The following CCDC171 variants were observed in gnomAD, a reference collection of about 807,000 sequenced individuals.
CCDC171 encodes the protein coiled-coil domain containing 171.
CCDC171 carries 177 observed loss-of-function variants against 168.2 expected under a neutral mutation model. The observed-to-expected ratio is 1.05, with a 90% CI of 0.93 to 1.19. The LOEUF is 1.19. CCDC171 is among the 50% of genes most tolerant of loss of function. The pLI, the probability that CCDC171 is intolerant of heterozygous loss-of-function variation, is 0.00. For synonymous variants in CCDC171, 687 were observed against 540.8 expected (o/e 1.27, Z -3.75); for missense variants, 1,991 against 1,539.0 (o/e 1.29, Z -4.91).
intron 23 of CCDC171, among the ~76,000 whole-genome samples, chr9:15,865,620 G>A (rs557362341): frequency 9.2e-5 from 14 of 151,938 alleles, no homozygotes; most frequent in Admixed American, 2.6e-4. Flanking sequence ...TCTTCCTTAC[G>A]ATTTTCTTAA....
intron 21 of CCDC171, among the ~76,000 whole-genome samples, chr9:15,830,879 T>C (rs1033187512): frequency 6.0e-4 from 92 of 152,138 alleles, no homozygotes; most frequent in African/African-American, 2.1e-3. Flanking sequence ...GCCTGTAAAG[T>C]TGAATAATTC....
At position 15,623,475 on chromosome 9, in the gene CCDC171, G is replaced by GCGCGCGCGCTCACACA; in HGVS notation, c.822+63_822+64insGCGCGCGCTCACACAC. The GCGCGCGCGCTCACACA allele has an allele frequency of 1.2e-4, 37 of 315,438 alleles. 1 individual carries two copies. In the South Asian group the frequency reaches 2.1e-3, roughly 18 times the overall value. 19.5% of individuals were successfully genotyped at this position (315,438 alleles called of 1,614,324 possible). On this transcript the variant is annotated intron_variant, in intron 7 of 25. Transcript: ENST00000380701. ...CAAACTTTCACATATGCGCGCGCGC[G>GCGCGCGCGCTCACACA]CACACACACACACACACACACACAC... is the stretch of plus-strand genomic sequence containing the variant.
At chr9:15,876,021 A>G (rs923147756) in intron 24 of CCDC171, 3 of 152,072 alleles carry the variant, frequency 2.0e-5, no homozygotes, top group Admixed American at 6.6e-5. Context: ...TGGCTATTTC[A>G]ATTCAGAATC....
At position 15,914,495 on chromosome 9, in the gene CCDC171, C is replaced by T. The variant is rs1824195288; in HGVS notation, c.3601-5775C>T. Reference sequence around the variant, plus strand: ...CCTCAGTAATGGTGGACATGTCTCCCCACACCAAGCTTGAGCATCCCAGGT... The same window carrying T: ...CCTCAGTAATGGTGGACATGTCTCCTCACACCAAGCTTGAGCATCCCAGGT... On this transcript the variant is annotated intron_variant, in intron 24 of 25. Coordinates refer to ENST00000380701, the MANE Select transcript of CCDC171 (RefSeq NM_173550.4). 3.9e-5 allele frequency among the ~76,000 whole-genome samples: 6 copies of T among 152,196 alleles called. No homozygotes were observed. The South Asian group carries it at 1.2e-3, about 32-fold the overall frequency.
rs748346441 is a variant in CCDC171, at chr9:15,594,134, T to C, written c.637T>C (p.Trp213Arg). 6.7e-7 allele frequency: 1 copy of C among 1,481,590 alleles called. No homozygotes were observed. The highest frequency in any genetic ancestry group is 9.4e-7 in the Non-Finnish European group (1 of 1,064,560). 91.8% of individuals were successfully genotyped at this position (1,481,590 alleles called of 1,614,324 possible). A position where few individuals can be genotyped will look rare whatever the true frequency, so the allele number is the denominator to read the frequency against. Residue 213 changes from tryptophan (W) to arginine (R), a missense_variant, in exon 6 of 26, where the codon TGG (tryptophan) becomes CGG (arginine). Physicochemically the swap from Trp to Arg is moderately radical, Grantham distance 101. Transcript: ENST00000380701. ...LEEFRLQEEQ[W>R]EAERRELQFI... is the part of the protein sequence containing the mutation. ...GGAGTTTAGATTACAAGAAGAACAA[T>C]GGGAAGCAGAAAGAAGAGAATTACA...
chr9:15,789,338 G>C (rs1486292689), intron 21 of CCDC171, among the ~76,000 whole-genome samples: 1 of 152,132 alleles, frequency 6.6e-6, no homozygotes, highest in African/African-American at 2.4e-5. Flanking sequence ...TTACATAAGG[G>C]ATGCTCAACC....
At chr9:15,592,734 A>C (rs964248939) in intron 5 of CCDC171, among the ~76,000 whole-genome samples, 2 of 152,024 alleles carry the variant, frequency 1.3e-5, no homozygotes, top group Admixed American at 6.6e-5. Flanking sequence ...AGTTATGTGG[A>C]GAGGAGGGTG....
chr9:15,705,511 A>G (rs1300795955), intron 11 of CCDC171, among the ~76,000 whole-genome samples: 2 of 152,106 alleles, frequency 1.3e-5, no homozygotes, highest in Non-Finnish European at 2.9e-5. Context: ...ATGCCTTTGT[A>G]CTGACCATTC....
intron 1 of CCDC171, among the ~76,000 whole-genome samples, chr9:16,059,854 G>C (rs1392588976): frequency 2.0e-5 from 3 of 151,680 alleles, no homozygotes; most frequent in African/African-American, 7.3e-5. Context: ...TAAAAAACTT[G>C]CAAGTGAGTG....
At chr9:16,053,325 C>T (rs1218975465) in intron 1 of CCDC171, among the ~76,000 whole-genome samples, 2 of 152,254 alleles carry the variant, frequency 1.3e-5, no homozygotes, top group East Asian at 3.8e-4. Flanking sequence ...CAACTTGCAA[C>T]ATTTTCCACC....
chr9:16,016,632 C>G (rs570605853), intron 3 of CCDC171, among the ~76,000 whole-genome samples: 2 of 152,168 alleles, frequency 1.3e-5, no homozygotes, highest in Non-Finnish European at 2.9e-5. Context: ...GCTCACTCTC[C>G]TTCATTACAT....
At position 15,657,096 on chromosome 9, in the gene CCDC171, T is replaced by C. The variant is rs768890619; in HGVS notation, c.823-31T>C. 16 of 1,293,838 alleles carry C rather than the reference T, an allele frequency of 1.2e-5. 1 individual carries two copies. In the Middle Eastern group the frequency reaches 3.0e-3, roughly 239 times the overall value. 80.1% of individuals were successfully genotyped at this position (1,293,838 alleles called of 1,614,324 possible). On this transcript the variant is annotated intron_variant, in intron 7 of 25. Transcript: ENST00000380701. Reference sequence around the variant, plus strand: ...CCATATCTTCTTTAAATACCAATGTTTATGAATTTAAACTTTTAATTTGTT... The same window carrying C: ...CCATATCTTCTTTAAATACCAATGTCTATGAATTTAAACTTTTAATTTGTT...
At chr9:16,101,071 C>T in the CCDC171 span, among the ~76,000 whole-genome samples, 7 of 152,288 alleles carry the variant, frequency 4.6e-5, no homozygotes, top group South Asian at 2.1e-4. Context: ...CAGAGAAAGC[C>T]GGGCTGCAGA....
chr9:15,833,050 C>T (rs1335921528), intron 21 of CCDC171, among the ~76,000 whole-genome samples: 3 of 134,186 alleles, frequency 2.2e-5, no homozygotes, highest in Admixed American at 8.8e-5. Flanking sequence ...TGCAGTGGCG[C>T]GATTTCGGCT....
intron 10 of CCDC171, among the ~76,000 whole-genome samples, chr9:15,689,031 T>C (rs945925934): frequency 6.6e-6 from 1 of 152,172 alleles, no homozygotes; most frequent in Non-Finnish European, 1.5e-5. Flanking sequence ...TACAATACAA[T>C]ATCCATTTAG....
chr9:15,609,730 C>A (rs888447229), intron 6 of CCDC171, among the ~76,000 whole-genome samples: 3 of 152,014 alleles, frequency 2.0e-5, no homozygotes, highest in Admixed American at 6.6e-5. Flanking sequence ...TTCATTATAC[C>A]TTTAGAATAA....
intron 1 of CCDC171, among the ~76,000 whole-genome samples, chr9:16,055,480 G>A (rs1833824879): frequency 6.6e-6 from 1 of 152,184 alleles, no homozygotes; most frequent in Non-Finnish European, 1.5e-5. Flanking sequence ...GAGGGCTCTG[G>A]AAGCTTTCTG....
Position 15,925,321 on chromosome 9 carries a change from G to T in CCDC171, c.3753+4899G>T, listed in dbSNP as rs78596659. 3.4e-3 allele frequency among the ~76,000 whole-genome samples: 515 copies of T among 151,618 alleles called. 17 individuals carry two copies. The East Asian group carries it at 0.066, about 19-fold the overall frequency. On this transcript the variant is annotated intron_variant, in intron 25 of 25. Transcript: ENST00000380701. ...ATAGGAATTATCCAATGATGCAAAA[G>T]AACAGTGATCTAGATCAGGAAAAGG... is the stretch of plus-strand genomic sequence containing the variant.
At chr9:15,777,568 A>G (rs2057395215) in intron 18 of CCDC171, 32 bp from the exon 19 acceptor site, 5 of 1,384,212 alleles carry the variant, frequency 3.6e-6, no homozygotes, top group Non-Finnish European at 5.1e-6. Context: ...GACAATTCAC[A>G]TTTTTGTGCC....
Sources: gnomAD v4.1 joint callset for allele counts (sites outside exome capture counted in the v4.1 genomes callset) on GRCh38, gnomAD v4.1.1 for gene constraint, MANE v1.5 for transcripts, NCBI Gene and HGNC (gene_info 2026-07-23, HGNC 2026-07-21) for gene names.